The following PIK3CG variants were observed in gnomAD, a reference collection of about 807,000 sequenced individuals.
The protein encoded by PIK3CG is phosphatidylinositol 4,5-bisphosphate 3-kinase catalytic subunit gamma isoform.
A neutral mutation model predicts 102.3 loss-of-function variants in PIK3CG; 55 were observed. The observed-to-expected ratio is 0.54, with a 90% CI of 0.43 to 0.67. PIK3CG has a LOEUF of 0.67. Among genes scored for constraint, PIK3CG ranks in the 30% least tolerant of loss-of-function variants. PIK3CG has a pLI of 0.00. For synonymous variants in PIK3CG, 552 were observed against 540.0 expected (o/e 1.02, Z -0.31); for missense variants, 1,258 against 1,391.8 (o/e 0.90, Z 1.53).
rs779982991 is a variant in PIK3CG at position 106,882,114 on chromosome 7, C to G, written c.2539-3C>G. 9 of 1,441,988 alleles carry G rather than the reference C, an allele frequency of 6.2e-6. No individual in the cohort carries two copies. Among genetic ancestry groups the G allele is most frequent in the Non-Finnish European group, 8.3e-6 (9 of 1,081,338 alleles). The allele number at this position is 1,441,988 out of a possible 1,614,324, so 89.3% of individuals were successfully genotyped here. ...ATAAACATTTCTGTGTTTCGATGCCCAGATTCTACGAATCATGGAGTCTAT... is the reference window on the plus strand; with the variant it reads ...ATAAACATTTCTGTGTTTCGATGCCGAGATTCTACGAATCATGGAGTCTAT... On this transcript the variant is annotated splice_region_variant and splice_polypyrimidine_tract_variant and intron_variant, in intron 6 of 10. Coordinates refer to ENST00000496166, the MANE Select transcript of PIK3CG (RefSeq NM_001282426.2).
In PIK3CG at chr7:106,902,387, A is replaced by G. The variant is rs1244757049; in HGVS notation, c.3031-2722A>G. ...TTCTGTGAATTTTGACAAATGCATC[A>G]GTCATGTAACCACCATCACAATTAA... On this transcript the variant is annotated intron_variant, in intron 10 of 10. Transcript: ENST00000496166. This position sits in a 1 kb window ranked among gnomAD's most constrained non-coding sequence, Gnocchi z 4.3. 6.6e-6 allele frequency among the ~76,000 whole-genome samples: 1 copy of G among 152,196 alleles called. No individual in the cohort carries two copies. Among genetic ancestry groups the G allele is most frequent in the Non-Finnish European group, 1.5e-5 (1 of 68,034 alleles).
At position 106,899,097 on chromosome 7, in the gene PIK3CG, A is replaced by G. The variant is rs1791480648; in HGVS notation, c.3031-6012A>G. Among the ~76,000 whole-genome samples, 1 of 152,096 alleles carries G rather than the reference A, an allele frequency of 6.6e-6. No homozygotes were observed. Among genetic ancestry groups the G allele is most frequent in the African/African-American group, 2.4e-5 (1 of 41,422 alleles). On this transcript the variant is annotated intron_variant, in intron 10 of 10. Coordinates refer to ENST00000496166, the MANE Select transcript of PIK3CG (RefSeq NM_001282426.2). This position sits in a 1 kb window ranked among gnomAD's most constrained non-coding sequence, Gnocchi z 4.6. The stretch of plus-strand genomic sequence containing the variant: ...ATCTTTCACCTCCCTGGTTGGCTAT[A>G]TCCCTAGGTATTTTATTCTTTTTGT...
At position 106,902,249 on chromosome 7, in the gene PIK3CG, T is replaced by C. The variant is rs1584350382; in HGVS notation, c.3031-2860T>C. 1.9e-5 allele frequency among the ~76,000 whole-genome samples: 1 copy of C among 52,758 alleles called. No homozygotes were observed. Among genetic ancestry groups the C allele is most frequent in the African/African-American group, 6.0e-5 (1 of 16,694 alleles). The allele number at this position is 52,758 out of a possible 152,430, so 34.6% of individuals were successfully genotyped here. ...GGCCCAAGCCAGGGGTTTCCTGTCT[T>C]GTGTCAAGCAATGCGGGGGGTGTGT... On this transcript the variant is annotated intron_variant, in intron 10 of 10. Coordinates refer to ENST00000496166, the MANE Select transcript of PIK3CG (RefSeq NM_001282426.2). The surrounding 1 kb of genome is among the most constrained non-coding windows in gnomAD (Gnocchi z 4.3).
rs1257430657 is a variant in PIK3CG at position 106,907,711 on chromosome 7, T to C, written c.*2324T>C. Among the ~76,000 whole-genome samples the C allele has an allele frequency of 4.1e-5, 5 of 122,236 alleles. No homozygotes were observed. The highest frequency in any genetic ancestry group is 7.5e-5 in the Non-Finnish European group (4 of 53,492). The allele number at this position is 122,236 out of a possible 152,430, so 80.2% of individuals were successfully genotyped here. A position where few individuals can be genotyped will look rare whatever the true frequency, so the allele number is the denominator to read the frequency against. On this transcript the variant is annotated 3_prime_UTR_variant, in exon 11 of 11. Coordinates refer to ENST00000496166, the MANE Select transcript of PIK3CG (RefSeq NM_001282426.2). The stretch of plus-strand genomic sequence containing the variant: ...TTTCCTCTTCAAATGAACCAGTTCT[T>C]TCATTTCATTATGCTAATATATATA...
At chr7:106,882,504 T>G (rs1417936586) in intron 7 of PIK3CG, 1 of 227,336 alleles carries the variant, frequency 4.4e-6, no homozygotes, top group Non-Finnish European at 8.5e-6. Flanking sequence ...ACATTAAACT[T>G]TTCTCTCACA....
At chr7:106,889,190 C>G (rs535820646) in intron 10 of PIK3CG, among the ~76,000 whole-genome samples, 2 of 152,290 alleles carry the variant, frequency 1.3e-5, no homozygotes, top group Admixed American at 6.5e-5. Flanking sequence ...CCCAACCCCT[C>G]TCTGCTTACT....
rs1321403148 is a variant in PIK3CG at position 106,879,253 on chromosome 7, C to G, written c.2392-266C>G. ...CGTGGGGAGGGTGAGATCTGCCATA[C>G]CTCTTAGGCACTTCCAAAGACTCTT... On this transcript the variant is annotated intron_variant, in intron 5 of 10. Transcript: ENST00000496166. The surrounding 1 kb of genome is among the most constrained non-coding windows in gnomAD (Gnocchi z 4.9). Among the ~76,000 whole-genome samples, 3 of 152,104 alleles carry G rather than the reference C, an allele frequency of 2.0e-5. No homozygotes were observed. The highest frequency in any genetic ancestry group is 7.2e-5 in the African/African-American group (3 of 41,410).
At position 106,905,579 on chromosome 7, in the gene PIK3CG, A is replaced by G; in HGVS notation, c.*192A>G. 1.7e-6 allele frequency: 1 copy of G among 596,808 alleles called. No homozygotes were observed. The highest frequency in any genetic ancestry group is 2.9e-6 in the Non-Finnish European group (1 of 341,452). 37.0% of individuals were successfully genotyped at this position (596,808 alleles called of 1,614,324 possible). A position where few individuals can be genotyped will look rare whatever the true frequency, so the allele number is the denominator to read the frequency against. On this transcript the variant is annotated 3_prime_UTR_variant, in exon 11 of 11. Transcript: ENST00000496166. The surrounding 1 kb of genome is among the most constrained non-coding windows in gnomAD (Gnocchi z 5.6). ...CTGATTGTTTGGTTAAGCAATGTCC[A>G]GTGCTAGGATTATTTGCAGGTTTGG...
chr7:106,900,303 C>T (rs1791511569), intron 10 of PIK3CG, among the ~76,000 whole-genome samples: 2 of 151,940 alleles, frequency 1.3e-5, no homozygotes, highest in South Asian at 4.2e-4. Context: ...AACCCATTAC[C>T]ATTATGTAAT....
chr7:106,905,287 A>G lies in PIK3CG; in HGVS notation c.3209A>G (p.Asp1070Gly), dbSNP rs2116619034. The change falls in exon 11 of 11, where the codon GAT becomes GGT. Residue 1070 changes from aspartate to glycine, a missense_variant. Physicochemically the swap from Asp to Gly is moderately conservative, Grantham distance 94. Coordinates refer to ENST00000496166, the MANE Select transcript of PIK3CG (RefSeq NM_001282426.2). The surrounding 1 kb of genome is among the most constrained non-coding windows in gnomAD (Gnocchi z 5.6). ...NEEDAKKYFL[D>G]QIEVCRDKGW... is the part of the protein sequence containing the mutation. ...GAGGATGCTAAAAAGTATTTTCTTG[A>G]TCAGATCGAAGTTTGCAGAGACAAA... 6.2e-7 allele frequency: 1 copy of G among 1,614,122 alleles called. No homozygotes were observed.
chr7:106,875,984 G>A (rs1297540389), intron 5 of PIK3CG, among the ~76,000 whole-genome samples: 2 of 140,764 alleles, frequency 1.4e-5, no homozygotes, highest in Admixed American at 1.5e-4. Flanking sequence ...GCGCAATCTC[G>A]GCTCACTGCA....
Position 106,893,935 on chromosome 7 carries a change from T to C in PIK3CG, c.3030+7643T>C, listed in dbSNP as rs763064966. On this transcript the variant is annotated intron_variant, in intron 10 of 10. Coordinates refer to ENST00000496166, the MANE Select transcript of PIK3CG (RefSeq NM_001282426.2). This position sits in a 1 kb window ranked among gnomAD's most constrained non-coding sequence, Gnocchi z 4.4. ...GTTACTTACTGAATACTGTAGGCAGTTGTGACACAATGTTATGCACTTGTG... is the reference window on the plus strand; with the variant it reads ...GTTACTTACTGAATACTGTAGGCAGCTGTGACACAATGTTATGCACTTGTG... Among the ~76,000 whole-genome samples, 3 of 152,188 alleles carry C rather than the reference T, an allele frequency of 2.0e-5. No individual in the cohort carries two copies. The highest frequency in any genetic ancestry group is 1.9e-4 in the East Asian group (1 of 5,192).
intron 10 of PIK3CG, 86 bp downstream of exon 10, chr7:106,886,378 G>T (rs2116564170): frequency 1.4e-6 from 2 of 1,393,224 alleles, no homozygotes; most frequent in South Asian, 1.3e-5. Context: ...CTCTCACTCA[G>T]CTTGGAGGCC....
rs138278934 is a variant in PIK3CG, at chr7:106,894,273, C to T, written c.3030+7981C>T. ...ACACACACACACAGACACACACACACACCCCTACGTGCACGCTATCAGAAT... is the reference window on the plus strand; with the variant it reads ...ACACACACACACAGACACACACACATACCCCTACGTGCACGCTATCAGAAT... On this transcript the variant is annotated intron_variant, in intron 10 of 10. Transcript: ENST00000496166. This position sits in a 1 kb window ranked among gnomAD's most constrained non-coding sequence, Gnocchi z 4.4. Among the ~76,000 whole-genome samples, 32 of 152,244 alleles carry T rather than the reference C, an allele frequency of 2.1e-4. No individual in the cohort carries two copies. The East Asian group carries it at 5.2e-3, about 25-fold the overall frequency.
Position 106,868,954 on chromosome 7 carries a change from A to C in PIK3CG, c.1393A>C (p.Asn465His), listed in dbSNP as rs2116454164. 6.2e-7 allele frequency: 1 copy of C among 1,614,070 alleles called. No homozygotes were observed. Among genetic ancestry groups the C allele is most frequent in the Non-Finnish European group, 8.5e-7 (1 of 1,180,010 alleles). The change falls in exon 2 of 11, where the codon AAC becomes CAC. Residue 465 changes from asparagine (N) to histidine (H), a missense_variant. Asn to His is a moderately conservative substitution (Grantham distance 68). Coordinates refer to ENST00000496166, the MANE Select transcript of PIK3CG (RefSeq NM_001282426.2). This position sits in a 1 kb window ranked among gnomAD's most constrained non-coding sequence, Gnocchi z 6.2. ...KGKVQLLYYV[N>H]LLLIDHRFLL... is the part of the protein sequence containing the mutation. ...CAAAGTTCAGCTTCTCTATTATGTG[A>C]ACCTGCTGCTGATAGACCACCGTTT...
Position 106,868,132 on chromosome 7 carries a change from C to G in PIK3CG, c.571C>G (p.Arg191Gly), listed in dbSNP as rs748616034. 7.4e-6 allele frequency: 12 copies of G among 1,612,194 alleles called. No homozygotes were observed. Among genetic ancestry groups the G allele is most frequent in the East Asian group, 2.2e-5 (1 of 44,728 alleles). Residue 191 changes from arginine to glycine, a missense_variant, in exon 2 of 11, where the codon CGC becomes GGC. Transcript: ENST00000496166. This position sits in a 1 kb window ranked among gnomAD's most constrained non-coding sequence, Gnocchi z 6.2. ...VTPRMAEVAS[R>G]DPKLYAMHPW... ...CCCGCGCATGGCGGAGGTGGCCAGC[C>G]GCGACCCCAAGCTCTACGCCATGCA... is the stretch of plus-strand genomic sequence containing the variant.
chr7:106,905,071 A>G lies in PIK3CG; in HGVS notation c.3031-38A>G. The G allele has an allele frequency of 3.2e-6, 5 of 1,573,022 alleles. No individual in the cohort carries two copies. The highest frequency in any genetic ancestry group is 1.1e-5 in the South Asian group (1 of 87,064). Reference sequence around the variant, plus strand: ...ATCTTCAGCCTACTTGTTAGTTACCATAACAACAGTAACAGCATTTTCTTC... The same window carrying G: ...ATCTTCAGCCTACTTGTTAGTTACCGTAACAACAGTAACAGCATTTTCTTC... On this transcript the variant is annotated intron_variant, in intron 10 of 10. Transcript: ENST00000496166. The surrounding 1 kb of genome is among the most constrained non-coding windows in gnomAD (Gnocchi z 5.6).
At position 106,868,532 on chromosome 7, in the gene PIK3CG, C is replaced by T. The variant is rs760224981; in HGVS notation, c.971C>T (p.Pro324Leu). 1.9e-6 allele frequency: 3 copies of T among 1,613,968 alleles called. No homozygotes were observed. Among genetic ancestry groups the T allele is most frequent in the Admixed American group, 1.7e-5 (1 of 60,006 alleles). Residue 324 changes from proline to leucine, a missense_variant, in exon 2 of 11, where the codon CCA becomes CTA. This residue lies in a region of PIK3CG where 832 missense variants were observed against 787.5 expected (regional missense o/e 1.06). Coordinates refer to ENST00000496166, the MANE Select transcript of PIK3CG (RefSeq NM_001282426.2). This position sits in a 1 kb window ranked among gnomAD's most constrained non-coding sequence, Gnocchi z 6.2. ...GACGAGGTGAGGAAGGAAGAGTGGC[C>T]ACTGGTGGATGACTGCACGGGAGTC... The part of the protein sequence containing the change: ...ALDEVRKEEW[P>L]LVDDCTGVTG...
At position 106,867,966 on chromosome 7, in the gene PIK3CG, C is replaced by G; in HGVS notation, c.405C>G (p.Ile135Met). 1 of 1,612,458 alleles carries G rather than the reference C, an allele frequency of 6.2e-7. No homozygotes were observed. Among genetic ancestry groups the G allele is most frequent in the Non-Finnish European group, 8.5e-7 (1 of 1,179,370 alleles). The change falls in exon 2 of 11, where the codon ATC becomes ATG. Residue 135 changes from isoleucine (I) to methionine (M), a missense_variant. Around this residue, in one of 2 missense-constraint regions of PIK3CG, gnomAD observed 832 missense variants for 787.5 expected, o/e 1.06. Transcript: ENST00000496166. The surrounding 1 kb of genome is among the most constrained non-coding windows in gnomAD (Gnocchi z 5.1). ...WKATHRSPGQ[I>M]HLVQRHPPSE... ...CCACGCACCGGAGCCCGGGCCAGAT[C>G]CACCTGGTGCAGCGGCACCCGCCCT...
Sources: allele counts gnomAD v4.1 joint callset (sites outside exome capture counted in the v4.1 genomes callset), GRCh38; gene constraint gnomAD v4.1.1; regional missense constraint gnomAD v4.1.1; non-coding constraint Gnocchi (gnomAD v3.1); transcripts MANE v1.5; gene names NCBI Gene and HGNC (gene_info 2026-07-23, HGNC 2026-07-21).